RNGTT: variants seen among roughly 807,000 people sequenced by gnomAD.
The protein encoded by RNGTT is RNA guanylyltransferase and 5'-phosphatase.
A neutral mutation model predicts 79.3 loss-of-function variants in RNGTT; 33 were observed. The observed-to-expected ratio is 0.42, with a 90% CI of 0.32 to 0.56. The LOEUF is 0.56. Among genes scored for constraint, RNGTT ranks in the 20% least tolerant of loss-of-function variants. The pLI is 0.17. For synonymous variants in RNGTT, 222 were observed against 235.9 expected (o/e 0.94, Z 0.54); for missense variants, 497 against 739.1 (o/e 0.67, Z 3.80).
At chr6:88,743,115 G>T (rs2127826292) in intron 13 of RNGTT, among the ~76,000 whole-genome samples, 1 of 152,244 alleles carries the variant, frequency 6.6e-6, no homozygotes, top group East Asian at 1.9e-4. Flanking sequence ...GGGCAGTGAA[G>T]ACTCTTCACT....
At chr6:88,702,028 C>A (rs1221437741) in intron 13 of RNGTT, among the ~76,000 whole-genome samples, 5 of 152,018 alleles carry the variant, frequency 3.3e-5, no homozygotes, top group Non-Finnish European at 1.5e-5. Context: ...CAGGTCTTTA[C>A]AAGGAGATCT....
chr6:88,743,179 G>C (rs1777552683), intron 13 of RNGTT, among the ~76,000 whole-genome samples: 1 of 152,170 alleles, frequency 6.6e-6, no homozygotes, highest in African/African-American at 2.4e-5. Context: ...GACTATGATA[G>C]AAAAGGAGTA....
rs147533667 is a variant in RNGTT at position 88,887,837 on chromosome 6, C to T, written c.896+2658G>A. Among the ~76,000 whole-genome samples, 28 of 152,282 alleles carry T rather than the reference C, an allele frequency of 1.8e-4. No homozygotes were observed. The East Asian group carries it at 5.0e-3, about 27-fold the overall frequency. On this transcript the variant is annotated intron_variant, in intron 8 of 15. Transcript: ENST00000369485. ...GCAGAAAGTAAAGAGTATATAAGGC[C>T]AGATGTGGTGGCTCATGCCTGTAAT...
intron 12 of RNGTT, among the ~76,000 whole-genome samples, chr6:88,779,588 A>G (rs1778994254): frequency 6.6e-6 from 1 of 152,198 alleles, no homozygotes; most frequent in Non-Finnish European, 1.5e-5. Context: ...CAGAAACTTA[A>G]GTAACTCCTC....
chr6:88,934,835 A>G (rs2127956112), intron 2 of RNGTT, among the ~76,000 whole-genome samples: 1 of 152,014 alleles, frequency 6.6e-6, no homozygotes, highest in East Asian at 1.9e-4. Context: ...GCTGTTCTCC[A>G]ATTCCTGGCC....
chr6:88,670,022 G>A (rs376995854), intron 14 of RNGTT, among the ~76,000 whole-genome samples: 6 of 152,138 alleles, frequency 3.9e-5, no homozygotes, highest in South Asian at 2.1e-4. Context: ...CTGTTAGCCC[G>A]GCAAGAAACC....
At chr6:88,757,514 G>A (rs1434801119) in intron 13 of RNGTT, among the ~76,000 whole-genome samples, 1 of 151,966 alleles carries the variant, frequency 6.6e-6, no homozygotes, top group Non-Finnish European at 1.5e-5. Flanking sequence ...AGAGAGTAAA[G>A]GAATTTACTA....
chr6:88,831,922 G>C (rs892506121), intron 11 of RNGTT, among the ~76,000 whole-genome samples: 1 of 152,162 alleles, frequency 6.6e-6, no homozygotes, highest in Non-Finnish European at 1.5e-5. Flanking sequence ...ACAAACCACT[G>C]CTCAAGGAAA....
At chr6:88,948,970 A>T (rs1194304401) in intron 1 of RNGTT, among the ~76,000 whole-genome samples, 10 of 97,300 alleles carry the variant, frequency 1.0e-4, no homozygotes, top group Non-Finnish European at 2.0e-4. Flanking sequence ...GGACACAAAC[A>T]CTGCGGAAGG....
intron 14 of RNGTT, among the ~76,000 whole-genome samples, chr6:88,659,116 G>A (rs1019930241): frequency 3.3e-5 from 5 of 152,242 alleles, no homozygotes; most frequent in Non-Finnish European, 7.4e-5. Context: ...ACACATCAAG[G>A]GATTACTCTG....
chr6:88,850,250 AT>A (rs1781626790), intron 9 of RNGTT, among the ~76,000 whole-genome samples: 1 of 151,962 alleles, frequency 6.6e-6, no homozygotes, highest in Non-Finnish European at 1.5e-5. Flanking sequence ...ATGACAATAA[AT>A]GGCATCCTCA....
chr6:88,894,955 A>G (rs1394246424), intron 6 of RNGTT, among the ~76,000 whole-genome samples: 1 of 152,148 alleles, frequency 6.6e-6, no homozygotes, highest in Admixed American at 6.5e-5. Flanking sequence ...TTAAATAGCA[A>G]TGTCTTCGGT....
At chr6:88,700,599 A>C (rs1359777265) in intron 13 of RNGTT, among the ~76,000 whole-genome samples, 1 of 152,136 alleles carries the variant, frequency 6.6e-6, no homozygotes, top group Non-Finnish European at 1.5e-5. Context: ...ACCACTACAA[A>C]ATGAACATAT....
chr6:88,742,050 A>G (rs1367827227), intron 13 of RNGTT, among the ~76,000 whole-genome samples: 3 of 152,226 alleles, frequency 2.0e-5, no homozygotes, highest in Non-Finnish European at 2.9e-5. Context: ...CATTTATTAA[A>G]TGCATTTTCT....
chr6:88,696,267 G>A (rs370853177), intron 13 of RNGTT, among the ~76,000 whole-genome samples: 2 of 151,970 alleles, frequency 1.3e-5, no homozygotes, highest in East Asian at 1.9e-4. Flanking sequence ...TATTGTAATC[G>A]TAATGACAAT....
At chr6:88,672,719 A>G (rs1774702892) in intron 14 of RNGTT, among the ~76,000 whole-genome samples, 1 of 152,230 alleles carries the variant, frequency 6.6e-6, no homozygotes, top group Admixed American at 6.5e-5. Flanking sequence ...TAATTTTTCA[A>G]AAAAAGTTGA....
At chr6:88,823,326 C>T (rs1780554564) in intron 11 of RNGTT, among the ~76,000 whole-genome samples, 1 of 151,986 alleles carries the variant, frequency 6.6e-6, no homozygotes, top group Admixed American at 6.6e-5. Context: ...ATCCCAGCTA[C>T]TTGGGAGGCT....
At chr6:88,872,318 T>C (rs1343081387) in intron 8 of RNGTT, among the ~76,000 whole-genome samples, 1 of 151,996 alleles carries the variant, frequency 6.6e-6, no homozygotes, top group African/African-American at 2.4e-5. Flanking sequence ...CCATCAACCA[T>C]ACACATGAGC....
chr6:88,696,131 C>T (rs1345725844), intron 13 of RNGTT, among the ~76,000 whole-genome samples: 1 of 152,072 alleles, frequency 6.6e-6, no homozygotes, highest in African/African-American at 2.4e-5. Context: ...TTCAAAATTG[C>T]TAAGACAGCA....
Sources: allele counts gnomAD v4.1 joint callset (sites outside exome capture counted in the v4.1 genomes callset), GRCh38; gene constraint gnomAD v4.1.1; transcripts MANE v1.5; gene names NCBI Gene and HGNC (gene_info 2026-07-23, HGNC 2026-07-21).